The following RGS7 variants were observed in gnomAD, a reference collection of about 807,000 sequenced individuals.
RGS7 encodes regulator of G protein signaling 7, also known as regulator of G-protein signaling 7.
In RGS7, 27 loss-of-function variants were observed where a neutral mutation model predicts 81.1. That is an observed-to-expected ratio of 0.33 (90% confidence interval 0.25 to 0.46). The LOEUF is 0.46. RGS7 is among the 20% of genes least tolerant of loss of function. The probability of loss-of-function intolerance (pLI) is 1.00; values close to 1 mark genes in which losing one functional copy is unlikely to be tolerated. For missense variants in RGS7, 396 were observed against 607.4 expected (o/e 0.65, Z 3.66); for synonymous variants, 208 against 207.7 (o/e 1.00, Z -0.01).
intron 3 of RGS7, among the ~76,000 whole-genome samples, chr1:241,050,103 A>G (rs1475684935): frequency 1.3e-5 from 2 of 152,100 alleles, no homozygotes; most frequent in Non-Finnish European, 2.9e-5. Flanking sequence ...TTTGCCCCCA[A>G]TTCTCGCACA....
chr1:240,830,601 C>T (rs1194582454), intron 9 of RGS7, among the ~76,000 whole-genome samples: 1 of 152,222 alleles, frequency 6.6e-6, no homozygotes, highest in Non-Finnish European at 1.5e-5. Flanking sequence ...CCAACTATTT[C>T]AATTATGGTG....
At chr1:241,352,530 A>T (rs2083307833) in intron 2 of RGS7, among the ~76,000 whole-genome samples, 1 of 152,260 alleles carries the variant, frequency 6.6e-6, no homozygotes, top group Admixed American at 6.5e-5. Context: ...CTCTGACATC[A>T]AATGAACTCT....
At chr1:241,221,043 G>GGAAGGA (rs1390080527) in intron 2 of RGS7, among the ~76,000 whole-genome samples, 6,537 of 82,808 alleles carry the variant, frequency 0.079, 409 homozygotes, top group East Asian at 0.27. Flanking sequence ...GGAAGGAAAA[G>GGAAGGA]AAAGAAAGAA....
chr1:240,928,734 A>G (rs1487475679), intron 6 of RGS7, among the ~76,000 whole-genome samples: 1 of 150,654 alleles, frequency 6.6e-6, no homozygotes, highest in Non-Finnish European at 1.5e-5. Flanking sequence ...TCAGCCTCCC[A>G]GGTAAGCTGG....
In RGS7 at chr1:240,790,720, C is replaced by G. The variant is rs1015434051; in HGVS notation, c.*6+9921G>C. 1.4e-4 allele frequency among the ~76,000 whole-genome samples: 22 copies of G among 152,140 alleles called. 1 individual carries two copies. The highest frequency in any genetic ancestry group is 2.9e-5 in the Non-Finnish European group (2 of 68,028). On this transcript the variant is annotated intron_variant, in intron 18 of 18. Transcript: ENST00000440928. ...CAGGAGCTGCCAAATGCTGAATACC[C>G]ATTTGTCACTGAGCCTACAGAAAAG... is the stretch of plus-strand genomic sequence containing the variant.
intron 6 of RGS7, among the ~76,000 whole-genome samples, chr1:240,930,204 T>C (rs1201495763): frequency 6.6e-6 from 1 of 150,774 alleles, no homozygotes; most frequent in Non-Finnish European, 1.5e-5. Context: ...TTTATTAGCA[T>C]TGAATTTTCT....
At chr1:241,067,660 C>T (rs2062148316) in intron 3 of RGS7, among the ~76,000 whole-genome samples, 1 of 151,942 alleles carries the variant, frequency 6.6e-6, no homozygotes, top group Non-Finnish European at 1.5e-5. Flanking sequence ...GCTGGGACTA[C>T]AGGTGTGTGC....
intron 3 of RGS7, among the ~76,000 whole-genome samples, chr1:241,090,378 G>A (rs1379476574): frequency 2.0e-5 from 3 of 152,154 alleles, no homozygotes; most frequent in Non-Finnish European, 4.4e-5. Context: ...AACCAGGGAA[G>A]GGGCTGAGGG....
intron 2 of RGS7, among the ~76,000 whole-genome samples, chr1:241,197,053 G>A (rs2073134343): frequency 1.4e-5 from 2 of 147,488 alleles, no homozygotes; most frequent in African/African-American, 4.9e-5. Flanking sequence ...TAAATGTAAA[G>A]TTCTAGATTT....
At position 240,812,722 on chromosome 1, in the gene RGS7, A is replaced by G. The variant is rs140085968; in HGVS notation, c.957-679T>C. 9.9e-3 allele frequency among the ~76,000 whole-genome samples: 1,513 copies of G among 152,252 alleles called. 21 individuals are homozygous for G. The highest frequency in any genetic ancestry group is 0.034 in the African/African-American group (1,432 of 41,544). On this transcript the variant is annotated intron_variant, in intron 13 of 18. Transcript: ENST00000440928. The stretch of plus-strand genomic sequence containing the variant: ...AGTGTTGGGATTACAGGTGTGCGCC[A>G]CCATGCCAGGCACACATTTCTTAAC...
chr1:241,010,865 C>T (rs1316738206), intron 3 of RGS7, among the ~76,000 whole-genome samples: 2 of 152,136 alleles, frequency 1.3e-5, no homozygotes, highest in African/African-American at 4.8e-5. Context: ...TCTTGATCCT[C>T]TCATCAGAAA....
intron 2 of RGS7, among the ~76,000 whole-genome samples, chr1:241,156,078 A>ATG (rs1183494325): frequency 3.6e-5 from 5 of 138,548 alleles, no homozygotes; most frequent in African/African-American, 1.5e-4. Context: ...TTACACACGC[A>ATG]CGCACACACA....
chr1:240,965,024 A>G (rs1682064693), intron 4 of RGS7, among the ~76,000 whole-genome samples: 1 of 152,206 alleles, frequency 6.6e-6, no homozygotes, highest in Non-Finnish European at 1.5e-5. Context: ...GACTAATTAG[A>G]TGTTTCAACT....
intron 3 of RGS7, among the ~76,000 whole-genome samples, chr1:241,027,161 T>C (rs1439100731): frequency 6.6e-6 from 1 of 151,370 alleles, no homozygotes; most frequent in Non-Finnish European, 1.5e-5. Context: ...TATGATTATG[T>C]CATTGTACTC....
Position 241,153,802 on chromosome 1 carries a change from G to T in RGS7, c.79-55040C>A, listed in dbSNP as rs574324286. On this transcript the variant is annotated intron_variant, in intron 2 of 18. Coordinates refer to ENST00000440928, the MANE Select transcript of RGS7 (RefSeq NM_001364886.1). ...CTGTTGATTGGTCTCTTCAAATACA[G>T]CAAGGGAAAGTCCTAATGGAGAAGC... Among the ~76,000 whole-genome samples the T allele has an allele frequency of 3.2e-4, 48 of 152,328 alleles. 1 individual carries two copies. In the South Asian group the frequency reaches 9.3e-3, roughly 30 times the overall value.
intron 6 of RGS7, among the ~76,000 whole-genome samples, chr1:240,902,579 T>G (rs73116093): frequency 0.026 from 3,963 of 152,250 alleles, 185 homozygotes; most frequent in African/African-American, 0.091. Flanking sequence ...CTGCCATATA[T>G]GCTCATATAT....
chr1:241,101,062 G>A (rs573521436), intron 2 of RGS7, among the ~76,000 whole-genome samples: 53 of 152,328 alleles, frequency 3.5e-4, no homozygotes, highest in Non-Finnish European at 6.0e-4. Context: ...AGTCTATTCA[G>A]GATTGTGTTT....
chr1:240,801,429 A>C, intron 17 of RGS7, 26 bp downstream of exon 17: 1 of 1,496,072 alleles, frequency 6.7e-7, no homozygotes, highest in Non-Finnish European at 9.3e-7. Context: ...TTAATGATTC[A>C]TAATTCCTCA....
At chr1:241,253,341 C>T (rs576625693) in intron 2 of RGS7, among the ~76,000 whole-genome samples, 2 of 152,256 alleles carry the variant, frequency 1.3e-5, no homozygotes, top group South Asian at 2.1e-4. Flanking sequence ...TGGCTTAAAC[C>T]TCCATACTGT....
Sources: allele counts gnomAD v4.1 joint callset (sites outside exome capture counted in the v4.1 genomes callset), GRCh38; gene constraint gnomAD v4.1.1; transcripts MANE v1.5; gene names NCBI Gene and HGNC (gene_info 2026-07-23, HGNC 2026-07-21).